Variants in OPCML observed in about 807,000 individuals in gnomAD.
OPCML encodes the protein opioid binding protein/cell adhesion molecule like, also known as opioid-binding protein/cell adhesion molecule.
In OPCML, 13 loss-of-function variants were observed where a neutral mutation model predicts 37.8. The observed-to-expected ratio is 0.34, with a 90% CI of 0.22 to 0.55. The LOEUF (loss-of-function observed/expected upper bound fraction) is 0.55. Among genes scored for constraint, OPCML ranks in the 20% least tolerant of loss-of-function variants. OPCML has a pLI of 0.91. For missense variants in OPCML, 341 were observed against 435.6 expected, an observed-to-expected ratio of 0.78 and a Z score of 1.93; for synonymous variants, 176 against 168.8, an observed-to-expected ratio of 1.04 and a Z score of -0.33.
At chr11:132,957,475 T>A (rs1227386411) in intron 1 of OPCML, among the ~76,000 whole-genome samples, 2 of 152,108 alleles carry the variant, frequency 1.3e-5, no homozygotes, top group Non-Finnish European at 2.9e-5. Context: ...TAGAGATAAA[T>A]AAATGTATAT....
chr11:133,310,253 C>A (rs1214586835), intron 1 of OPCML, among the ~76,000 whole-genome samples: 1 of 152,082 alleles, frequency 6.6e-6, no homozygotes, highest in Non-Finnish European at 1.5e-5. Context: ...GACATGGGCC[C>A]ATAAATGTGT....
intron 1 of OPCML, among the ~76,000 whole-genome samples, chr11:133,107,690 T>C (rs534619438): frequency 6.6e-6 from 1 of 152,356 alleles, no homozygotes; most frequent in East Asian, 1.9e-4. Context: ...CATTTTGACG[T>C]TGTCATTCCT....
At chr11:132,630,039 GT>G (rs1447361422) in intron 3 of OPCML, among the ~76,000 whole-genome samples, 1 of 152,156 alleles carries the variant, frequency 6.6e-6, no homozygotes, top group South Asian at 2.1e-4. Flanking sequence ...TAGTGAGAAA[GT>G]TGTGGTTAAC....
At chr11:133,279,798 T>A (rs1365147741) in intron 1 of OPCML, among the ~76,000 whole-genome samples, 1 of 152,172 alleles carries the variant, frequency 6.6e-6, no homozygotes, top group Non-Finnish European at 1.5e-5. Context: ...TAAAAAAAAC[T>A]CTACCCATAA....
chr11:133,162,505 C>G (rs1488177298), intron 1 of OPCML, among the ~76,000 whole-genome samples: 1 of 152,182 alleles, frequency 6.6e-6, no homozygotes, highest in African/African-American at 2.4e-5. Flanking sequence ...GCCAGGTTCC[C>G]GTCATGTCAG....
intron 1 of OPCML, among the ~76,000 whole-genome samples, chr11:133,449,221 G>C (rs1294954818): frequency 6.6e-6 from 1 of 152,132 alleles, no homozygotes; most frequent in Non-Finnish European, 1.5e-5. Flanking sequence ...TATTACTCTG[G>C]ACCAAAGATC....
intron 3 of OPCML, among the ~76,000 whole-genome samples, chr11:132,646,972 G>GA (rs886710389): frequency 6.6e-6 from 1 of 152,102 alleles, no homozygotes; most frequent in African/African-American, 2.4e-5. Context: ...AAACAAGAGA[G>GA]AAAAAAGTTT....
At chr11:133,420,294 G>C (rs7932089) in intron 1 of OPCML, 172,333 of 985,128 alleles carry the variant, frequency 0.17, 15,452 homozygotes, top group African/African-American at 0.24. Flanking sequence ...TCTTTGGCAC[G>C]AAGTGCAAAT....
At chr11:132,670,482 C>T (rs1369211857) in intron 2 of OPCML, among the ~76,000 whole-genome samples, 1 of 152,090 alleles carries the variant, frequency 6.6e-6, no homozygotes, top group African/African-American at 2.4e-5. Context: ...CCCAGAACTG[C>T]TAAAGGACTG....
At chr11:133,421,100 G>A in intron 1 of OPCML, 1 of 985,378 alleles carries the variant, frequency 1.0e-6, no homozygotes, top group Non-Finnish European at 1.2e-6. Context: ...GCGGTCAGCA[G>A]GGCAGTGTTA....
intron 2 of OPCML, among the ~76,000 whole-genome samples, chr11:132,863,724 A>G (rs1942404958): frequency 2.6e-5 from 4 of 152,116 alleles, no homozygotes; most frequent in Admixed American, 2.6e-4. Flanking sequence ...AGGCCATAAG[A>G]CGCCCACACC....
intron 1 of OPCML, among the ~76,000 whole-genome samples, chr11:132,989,687 C>A (rs888672417): frequency 6.8e-6 from 1 of 148,130 alleles, no homozygotes. Context: ...GCTTATGATA[C>A]TATTTTTTAA....
At chr11:132,876,094 G>C (rs148799569) in intron 2 of OPCML, among the ~76,000 whole-genome samples, 541 of 152,302 alleles carry the variant, frequency 3.6e-3, no homozygotes, top group African/African-American at 0.013. Flanking sequence ...TCCTGGGAGG[G>C]CATTGCCCTC....
At chr11:132,856,766 G>C (rs1019474068) in intron 2 of OPCML, among the ~76,000 whole-genome samples, 3 of 152,142 alleles carry the variant, frequency 2.0e-5, no homozygotes, top group Non-Finnish European at 4.4e-5. Flanking sequence ...GCATGCCACT[G>C]TGCCTGCAGA....
intron 1 of OPCML, among the ~76,000 whole-genome samples, chr11:133,169,302 A>C (rs1041415152): frequency 6.6e-6 from 1 of 152,228 alleles, no homozygotes; most frequent in African/African-American, 2.4e-5. Context: ...TAATTTCTTA[A>C]CTATTTTGTC....
chr11:132,465,931 G>T (rs964026111), intron 4 of OPCML, among the ~76,000 whole-genome samples: 1 of 152,112 alleles, frequency 6.6e-6, no homozygotes, highest in South Asian at 2.1e-4. Flanking sequence ...AACTAAAAGG[G>T]ATCATAGGCT....
chr11:132,725,322 T>C (rs1944837476), intron 2 of OPCML, among the ~76,000 whole-genome samples: 1 of 152,294 alleles, frequency 6.6e-6, no homozygotes, highest in South Asian at 2.1e-4. Flanking sequence ...AAACTCTACA[T>C]TGGCCCCTTT....
intron 1 of OPCML, among the ~76,000 whole-genome samples, chr11:133,230,760 G>A (rs1940242970): frequency 6.6e-6 from 1 of 152,180 alleles, no homozygotes; most frequent in Non-Finnish European, 1.5e-5. Context: ...ACTGAGGACA[G>A]GCCCATTTTC....
intron 2 of OPCML, among the ~76,000 whole-genome samples, chr11:132,856,904 G>A (rs768919990): frequency 6.6e-6 from 1 of 152,172 alleles, no homozygotes; most frequent in South Asian, 2.1e-4. Flanking sequence ...TCTTTGAAGT[G>A]CACTTTACTT....
Sources: allele counts gnomAD v4.1 joint callset (sites outside exome capture counted in the v4.1 genomes callset), GRCh38; gene constraint gnomAD v4.1.1; transcripts MANE v1.5; gene names NCBI Gene and HGNC (gene_info 2026-07-23, HGNC 2026-07-21).